The following ZNF280D variants were observed in gnomAD, a reference collection of about 807,000 sequenced individuals.
ZNF280D encodes the protein suppressor of hairy wing homolog 4.
In ZNF280D, 39 loss-of-function variants were observed where a neutral mutation model predicts 94.7. That is an observed-to-expected ratio of 0.41 (90% CI 0.32 to 0.54). The LOEUF (loss-of-function observed/expected upper bound fraction) is 0.54, where lower values mean the gene tolerates loss of function less well. Among genes scored for constraint, ZNF280D ranks in the 20% least tolerant of loss-of-function variants. The pLI is 0.22. For synonymous variants in ZNF280D, 398 were observed against 377.6 expected, an observed-to-expected ratio of 1.05 and a Z score of -0.63; for missense variants, 1,090 against 1,149.3, an observed-to-expected ratio of 0.95 and a Z score of 0.75.
At chr15:56,696,672 A>G (rs1250956190) in intron 6 of ZNF280D, among the ~76,000 whole-genome samples, 1 of 152,250 alleles carries the variant, frequency 6.6e-6, no homozygotes, top group African/African-American at 2.4e-5. Context: ...ATAGTTTATT[A>G]AAATGACTTC....
chr15:56,634,470 G>A (rs1386997492), intron 21 of ZNF280D, among the ~76,000 whole-genome samples: 1 of 151,986 alleles, frequency 6.6e-6, no homozygotes, highest in Non-Finnish European at 1.5e-5. Context: ...GGTGAAGAAA[G>A]GGCGAGATAA....
At chr15:56,654,285 G>A (rs1334907242) in intron 18 of ZNF280D, 51 bp from the exon 19 acceptor site, 4 of 1,599,546 alleles carry the variant, frequency 2.5e-6, no homozygotes, top group Non-Finnish European at 3.4e-6. Context: ...GAAATATGAT[G>A]AGTGAGAATA....
intron 1 of ZNF280D, among the ~76,000 whole-genome samples, chr15:56,731,820 A>C (rs577690127): frequency 6.6e-6 from 1 of 152,348 alleles, no homozygotes; most frequent in Admixed American, 6.5e-5. Flanking sequence ...GGGCTATTTA[A>C]CTTTCCAATA....
At chr15:56,689,008 C>A in intron 9 of ZNF280D, 33 bp downstream of exon 9, 2 of 1,485,178 alleles carry the variant, frequency 1.3e-6, no homozygotes, top group Non-Finnish European at 1.8e-6. Context: ...AATGTGCAAA[C>A]TTTTTACAAA....
At chr15:56,677,759 C>T in intron 11 of ZNF280D, 85 bp from the exon 12 acceptor site, 2 of 431,558 alleles carry the variant, frequency 4.6e-6, no homozygotes, top group Non-Finnish European at 7.5e-6. Flanking sequence ...ACAACAATAA[C>T]AGTAGCAGTA....
intron 19 of ZNF280D, chr15:56,652,653 A>G (rs556693920): frequency 1.0e-6 from 1 of 985,348 alleles, no homozygotes; most frequent in East Asian, 1.1e-4. Flanking sequence ...CTTTACCCAA[A>G]GGAGCTACAT....
chr15:56,661,026 AT>A (rs2053908602), intron 16 of ZNF280D, among the ~76,000 whole-genome samples: 1 of 152,174 alleles, frequency 6.6e-6, no homozygotes, highest in Non-Finnish European at 1.5e-5. Flanking sequence ...CCCAAAAAAT[AT>A]TTGCTAAATC....
At chr15:56,670,769 C>T (rs966778018) in intron 13 of ZNF280D, among the ~76,000 whole-genome samples, 69 of 152,176 alleles carry the variant, frequency 4.5e-4, no homozygotes, top group African/African-American at 1.6e-3. Flanking sequence ...GCCACACTCT[C>T]TTCCACAATG....
intron 19 of ZNF280D, chr15:56,643,225 T>C (rs1329842017): frequency 3.4e-6 from 1 of 294,328 alleles, no homozygotes; most frequent in East Asian, 5.5e-5. Flanking sequence ...AGACATTTAT[T>C]TCCTTGTTCT....
intron 1 of ZNF280D, among the ~76,000 whole-genome samples, chr15:56,713,031 T>A (rs1186720846): frequency 1.1e-4 from 17 of 152,116 alleles, no homozygotes; most frequent in Non-Finnish European, 1.5e-5. Flanking sequence ...TGAGCCACCA[T>A]GCCCGGTCAA....
At chr15:56,670,847 AT>A (rs1185610143) in intron 13 of ZNF280D, among the ~76,000 whole-genome samples, 1 of 151,782 alleles carries the variant, frequency 6.6e-6, no homozygotes, top group South Asian at 2.1e-4. Flanking sequence ...AGCATCTATT[AT>A]TTTTTTATCT....
chr15:56,709,786 C>T (rs1367962379), intron 1 of ZNF280D, among the ~76,000 whole-genome samples: 1 of 152,056 alleles, frequency 6.6e-6, no homozygotes, highest in African/African-American at 2.4e-5. Flanking sequence ...CATGTTCTCA[C>T]TCATAGATGG....
In ZNF280D at chr15:56,630,465, C is replaced by T. The variant is rs956021207; in HGVS notation, c.*1033G>A. ...CTTATAGATAAATTAGGCTAAATTTCCAAAACCAGTTCTTTTACATCACTG... is the reference window on the plus strand; with the variant it reads ...CTTATAGATAAATTAGGCTAAATTTTCAAAACCAGTTCTTTTACATCACTG... On this transcript the variant is annotated 3_prime_UTR_variant, in exon 22 of 22. Transcript: ENST00000267807. 7 of 151,990 alleles carry T rather than the reference C, an allele frequency of 4.6e-5. No homozygotes were observed. The highest frequency in any genetic ancestry group is 8.8e-5 in the Non-Finnish European group (6 of 67,950). 9.4% of individuals were successfully genotyped at this position (151,990 alleles called of 1,614,324 possible). A position where few individuals can be genotyped will look rare whatever the true frequency, so the allele number is the denominator to read the frequency against.
chr15:56,715,044 C>T lies in ZNF280D; in HGVS notation c.-85-7738G>A, dbSNP rs181141699. Among the ~76,000 whole-genome samples the T allele has an allele frequency of 2.3e-3, 346 of 152,036 alleles. 2 individuals carry two copies. Among genetic ancestry groups the T allele is most frequent in the African/African-American group, 8.2e-3 (339 of 41,464 alleles). ...GTGGTACAGCAGAGGTTCTTGATAA[C>T]GTGTTGGGGGCACCATAGAAATAAA... On this transcript the variant is annotated intron_variant, in intron 1 of 21. Transcript: ENST00000267807.
chr15:56,638,989 A>C (rs892787834), intron 20 of ZNF280D, among the ~76,000 whole-genome samples: 7 of 152,062 alleles, frequency 4.6e-5, no homozygotes, highest in South Asian at 2.1e-4. Context: ...ACCAAAAAAA[A>C]CAAAAAGGAA....
intron 1 of ZNF280D, among the ~76,000 whole-genome samples, chr15:56,716,163 G>A (rs954575274): frequency 3.3e-5 from 5 of 151,916 alleles, no homozygotes; most frequent in African/African-American, 9.7e-5. Context: ...ACTGTGTGTC[G>A]GGTAGGAATA....
At chr15:56,675,283 A>T (rs2055141324) in intron 13 of ZNF280D, among the ~76,000 whole-genome samples, 1 of 152,012 alleles carries the variant, frequency 6.6e-6, no homozygotes, top group Admixed American at 6.6e-5. Flanking sequence ...GGGAAAGATT[A>T]TGTTTAAAAA....
chr15:56,668,079 T>C, intron 14 of ZNF280D: 2 of 442,422 alleles, frequency 4.5e-6, no homozygotes, highest in South Asian at 3.2e-5. Context: ...TGCTATCATG[T>C]CTTCAGAGCA....
chr15:56,708,921 G>A (rs1366278010), intron 1 of ZNF280D, among the ~76,000 whole-genome samples: 6 of 152,050 alleles, frequency 3.9e-5, no homozygotes, highest in African/African-American at 9.7e-5. Flanking sequence ...GAAAACCTAG[G>A]CAATACCATT....
Sources: allele counts gnomAD v4.1 joint callset (sites outside exome capture counted in the v4.1 genomes callset), GRCh38; gene constraint gnomAD v4.1.1; transcripts MANE v1.5; gene names NCBI Gene and HGNC (gene_info 2026-07-23, HGNC 2026-07-21).